The following MYH2 variants were observed in gnomAD, a reference collection of about 807,000 sequenced individuals.
MYH2 encodes myosin heavy chain 2.
A neutral mutation model predicts 228.1 loss-of-function variants in MYH2; 139 were observed. The ratio of observed to expected loss-of-function variants is 0.61; its 90% confidence interval spans 0.53 to 0.70. The LOEUF is 0.70. Ranked by LOEUF, MYH2 falls within the 30% of genes least tolerant of loss-of-function variation. The pLI, the probability that MYH2 is intolerant of heterozygous loss-of-function variation, is 0.00. For missense variants in MYH2, 1,809 were observed against 2,357.5 expected, an observed-to-expected ratio of 0.77 and a Z score of 4.82; for synonymous variants, 796 against 871.1, an observed-to-expected ratio of 0.91 and a Z score of 1.52.
At chr17:10,522,724 T>C (rs1449084512) in intron 39 of MYH2, among the ~76,000 whole-genome samples, 3 of 152,222 alleles carry the variant, frequency 2.0e-5, no homozygotes, top group South Asian at 4.1e-4. Flanking sequence ...TAATAATTAT[T>C]TAGTAATTAT....
At chr17:10,539,865 G>A in intron 12 of MYH2, 63 bp downstream of exon 12, 3 of 1,607,530 alleles carry the variant, frequency 1.9e-6, no homozygotes, top group East Asian at 2.2e-5. Flanking sequence ...AAATTCCTGG[G>A]TAACAAGTTA....
At position 10,539,077 on chromosome 17, in the gene MYH2, A is replaced by G. The variant is rs181127310; in HGVS notation, c.1416+128T>C. 386 of 1,533,338 alleles carry G rather than the reference A, an allele frequency of 2.5e-4. No individual in the cohort carries two copies. In the African/African-American group the frequency reaches 4.5e-3, roughly 18 times the overall value. 95.0% of individuals were successfully genotyped at this position (1,533,338 alleles called of 1,614,324 possible). On this transcript the variant is annotated intron_variant, in intron 14 of 39. Coordinates refer to ENST00000245503, the MANE Select transcript of MYH2 (RefSeq NM_017534.6). ...TTGGTACTACAATAACTGACCAGTT[A>G]CTCTCTTTTAAGGCTTAAAATAATT...
intron 39 of MYH2, among the ~76,000 whole-genome samples, chr17:10,522,209 A>T (rs1398509992): frequency 6.6e-6 from 1 of 152,192 alleles, no homozygotes; most frequent in Non-Finnish European, 1.5e-5. Flanking sequence ...ATTTTGAAAG[A>T]CCTATCTGGA....
In MYH2 at chr17:10,528,741, C is replaced by A; in HGVS notation, c.3693G>T (p.Lys1231Asn). 1 of 1,614,090 alleles carries A rather than the reference C, an allele frequency of 6.2e-7. No individual in the cohort carries two copies. The highest frequency in any genetic ancestry group is 8.5e-7 in the Non-Finnish European group (1 of 1,179,968). Reference protein sequence around the residue: ...QKLEKEKSEMKMEIDDLASNV... With the variant: ...QKLEKEKSEMNMEIDDLASNV... ...TACTAGCAAGGTCATCAATCTCCAT[C>A]TTCATCTCACTCTTCTCCTTCTCCA... Residue 1231 changes from lysine to asparagine, a missense_variant, in exon 27 of 40, where the codon AAG becomes AAT. Lys to Asn is a moderately conservative substitution (Grantham distance 94). Around this residue, in one of 9 missense-constraint regions of MYH2, gnomAD observed 636 missense variants for 729.9 expected, o/e 0.87. Coordinates refer to ENST00000245503, the MANE Select transcript of MYH2 (RefSeq NM_017534.6).
chr17:10,525,480 G>T lies in MYH2; in HGVS notation c.4508C>A (p.Thr1503Asn). 1 of 1,614,136 alleles carries T rather than the reference G, an allele frequency of 6.2e-7. No individual in the cohort carries two copies. The highest frequency in any genetic ancestry group is 2.2e-5 in the East Asian group (1 of 44,882). The change falls in exon 32 of 40, where the codon ACC becomes AAC. Residue 1503 changes from threonine to asparagine, a missense_variant. Transcript: ENST00000245503. This position sits in a 1 kb window ranked among gnomAD's most constrained non-coding sequence, Gnocchi z 4.2. ...AYEESLDQLE[T>N]LKRENKNLQQ... ...TAAGTTTTTGTTCTCTCGCTTCAGG[G>T]TTTCTAGCTGATCCAAAGATTCCTC... is the stretch of plus-strand genomic sequence containing the variant.
Position 10,528,955 on chromosome 17 carries a change from C to A in MYH2, c.3479G>T (p.Gly1160Val). ...EEISERLEEA[G>V]GATSAQIEMN... ...CTCAATCTGGGCTGAAGTGGCCCCA[C>A]CGGCTTCTTCCAGCCTCTCGCTGAT... The change falls in exon 27 of 40, where the codon GGT becomes GTT. Residue 1160 changes from glycine to valine, a missense_variant. Physicochemically the swap from Gly to Val is moderately radical, Grantham distance 109. Transcript: ENST00000245503. The A allele has an allele frequency of 6.2e-7, 1 of 1,614,180 alleles. No homozygotes were observed. The highest frequency in any genetic ancestry group is 8.5e-7 in the Non-Finnish European group (1 of 1,180,046).
chr17:10,531,643 T>A lies in MYH2; in HGVS notation c.2687A>T (p.Gln896Leu). 6.2e-7 allele frequency: 1 copy of A among 1,614,190 alleles called. No homozygotes were observed. The highest frequency in any genetic ancestry group is 8.5e-7 in the Non-Finnish European group (1 of 1,180,022). Residue 896 changes from glutamine to leucine, a missense_variant, in exon 22 of 40, where the codon CAA (glutamine) becomes CTA (leucine). This residue lies in a region of MYH2 where 276 missense variants were observed against 344.2 expected (regional missense o/e 0.80). Coordinates refer to ENST00000245503, the MANE Select transcript of MYH2 (RefSeq NM_017534.6). ...LLKEKNDLQLQVQAEAEGLAD... is the reference protein window; with the variant it reads ...LLKEKNDLQLLVQAEAEGLAD... ...GATATTCCAACTCACAGCCTGAACT[T>A]GGAGCTGCAAGTCATTTTTTTCTTT...
In MYH2 at chr17:10,537,723, T is replaced by C. The variant is rs1029914899; in HGVS notation, c.1529A>G (p.Glu510Gly). 2.5e-6 allele frequency: 4 copies of C among 1,614,076 alleles called. No homozygotes were observed. Among genetic ancestry groups the C allele is most frequent in the South Asian group, 1.1e-5 (1 of 91,088 alleles). ...CATCCCGAAGTCGATGAACGTCCACTCGATGCCTTCCTTCTTGTACTCCTC... is the reference window on the plus strand; with the variant it reads ...CATCCCGAAGTCGATGAACGTCCACCCGATGCCTTCCTTCTTGTACTCCTC... ...EQEEYKKEGI[E>G]WTFIDFGMDL... Residue 510 changes from glutamate to glycine, a missense_variant, in exon 15 of 40, where the codon GAG (glutamate) becomes GGG (glycine). Physicochemically the swap from Glu to Gly is moderately conservative, Grantham distance 98 (BLOSUM62 -2). Around this residue, in one of 9 missense-constraint regions of MYH2, gnomAD observed 373 missense variants for 620.4 expected, o/e 0.60. Transcript: ENST00000245503. This position sits in a 1 kb window ranked among gnomAD's most constrained non-coding sequence, Gnocchi z 4.0.
intron 14 of MYH2, among the ~76,000 whole-genome samples, chr17:10,538,562 G>A (rs1023354951): frequency 7.3e-5 from 11 of 150,770 alleles, no homozygotes; most frequent in African/African-American, 1.2e-4. Context: ...GGAGAATGGC[G>A]TGAACCCAGG....
At position 10,527,762 on chromosome 17, in the gene MYH2, A is replaced by G; in HGVS notation, c.3857T>C (p.Leu1286Pro). 1 of 1,614,114 alleles carries G rather than the reference A, an allele frequency of 6.2e-7. No homozygotes were observed. The highest frequency in any genetic ancestry group is 8.5e-7 in the Non-Finnish European group (1 of 1,180,016). ...GGGAGAGTTACCAGATTCAGTCTGC[A>G]GGCGCCCCCTCTGCGCAGTCAGGTC... ...INDLTAQRGR[L>P]QTESGEFSRQ... The change falls in exon 28 of 40, where the codon CTG becomes CCG. Residue 1286 changes from leucine (L) to proline (P), a missense_variant. Leu to Pro is a moderately conservative substitution (Grantham distance 98). Transcript: ENST00000245503.
Position 10,533,637 on chromosome 17 carries a change from T to A in MYH2, c.2181-5A>T, listed in dbSNP as rs199770682. On this transcript the variant is annotated splice_region_variant and splice_polypyrimidine_tract_variant and intron_variant, in intron 19 of 39. Coordinates refer to ENST00000245503, the MANE Select transcript of MYH2 (RefSeq NM_017534.6). Reference sequence around the variant, plus strand: ...CTTGCATTTAATACCTTGTATCTGTTGAAGTACATATAGCTTTTAACAACT... The same window carrying A: ...CTTGCATTTAATACCTTGTATCTGTAGAAGTACATATAGCTTTTAACAACT... 74 of 1,613,912 alleles carry A rather than the reference T, an allele frequency of 4.6e-5. No individual in the cohort carries two copies. The Middle Eastern group carries it at 1.2e-3, about 25-fold the overall frequency.
chr17:10,535,309 C>A lies in MYH2; in HGVS notation c.2031G>T (p.Arg677Ser). ...NLRSTHPHFVRCIIPNETKTP... is the reference protein window; with the variant it reads ...NLRSTHPHFVSCIIPNETKTP... The stretch of plus-strand genomic sequence containing the variant: ...TTTTTGTCTCATTGGGGATGATACA[C>A]CTCACAAAGTGAGGATGGGTACTCC... Residue 677 changes from arginine to serine, a missense_variant, in exon 18 of 40, where the codon AGG (arginine) becomes AGT (serine). Around this residue, in one of 9 missense-constraint regions of MYH2, gnomAD observed 276 missense variants for 344.2 expected, o/e 0.80. Coordinates refer to ENST00000245503, the MANE Select transcript of MYH2 (RefSeq NM_017534.6). 1 of 1,614,150 alleles carries A rather than the reference C, an allele frequency of 6.2e-7. No individual in the cohort carries two copies. Among genetic ancestry groups the A allele is most frequent in the Non-Finnish European group, 8.5e-7 (1 of 1,180,026 alleles).
chr17:10,530,423 TGA>T (rs2073411179), intron 22 of MYH2, among the ~76,000 whole-genome samples: 3 of 152,320 alleles, frequency 2.0e-5, no homozygotes, highest in Admixed American at 1.3e-4. Flanking sequence ...ATTTGGGCCT[TGA>T]GAGAGGGGTA....
chr17:10,537,864 C>T lies in MYH2; in HGVS notation c.1417-29G>A, dbSNP rs370783878. 6.2e-7 allele frequency: 1 copy of T among 1,614,116 alleles called. No homozygotes were observed. Among genetic ancestry groups the T allele is most frequent in the Non-Finnish European group, 8.5e-7 (1 of 1,180,012 alleles). ...AATAAATAGATATGTTTACTTCTCT[C>T]TTAAGCAAATTGAGTATTTTTTAAA... On this transcript the variant is annotated intron_variant, in intron 14 of 39. Coordinates refer to ENST00000245503, the MANE Select transcript of MYH2 (RefSeq NM_017534.6). The surrounding 1 kb of genome is among the most constrained non-coding windows in gnomAD (Gnocchi z 4.0).
rs1371838686 is a variant in MYH2, at chr17:10,525,707, T to G, written c.4357A>C (p.Arg1453=). 1 of 1,614,206 alleles carries G rather than the reference T, an allele frequency of 6.2e-7. No individual in the cohort carries two copies. Reference sequence around the variant, plus strand: ...GGAGGAATTACCTTATCGAAGTTCCTTTGCTTTTTGTCAAGGGCGGCACAG... The same window carrying G: ...GGAGGAATTACCTTATCGAAGTTCCGTTGCTTTTTGTCAAGGGCGGCACAG... ...AACAALDKKQ[R]NFDKILAEWK... Residue 1453 remains arginine, a synonymous_variant, in exon 31 of 40, where the codon AGG becomes CGG. Coordinates refer to ENST00000245503, the MANE Select transcript of MYH2 (RefSeq NM_017534.6). The surrounding 1 kb of genome is among the most constrained non-coding windows in gnomAD (Gnocchi z 4.2).
chr17:10,547,398 A>G (rs1237220256), intron 4 of MYH2, 77 bp downstream of exon 4: 8 of 1,576,608 alleles, frequency 5.1e-6, no homozygotes, highest in Non-Finnish European at 7.0e-6. Flanking sequence ...CCTGTGACCT[A>G]TTTATGCTCA....
chr17:10,542,750 A>C (rs1401366751), intron 10 of MYH2, 125 bp downstream of exon 10: 1 of 608,098 alleles, frequency 1.6e-6, no homozygotes, highest in African/African-American at 1.9e-5. Context: ...CCAAACTCAC[A>C]AAGCTATTTA....
chr17:10,541,095 T>G (rs2073547683), intron 10 of MYH2, among the ~76,000 whole-genome samples: 1 of 152,144 alleles, frequency 6.6e-6, no homozygotes, highest in Admixed American at 6.5e-5. Flanking sequence ...ACTGCACAAA[T>G]TGTTCGTAAA....
In MYH2 at chr17:10,533,761, T is replaced by G; in HGVS notation, c.2181-129A>C. 2.3e-6 allele frequency: 3 copies of G among 1,301,410 alleles called. No individual in the cohort carries two copies. The South Asian group carries it at 4.0e-5, about 17-fold the overall frequency. The allele number at this position is 1,301,410 out of a possible 1,614,324, so 80.6% of individuals were successfully genotyped here. On this transcript the variant is annotated intron_variant, in intron 19 of 39. Coordinates refer to ENST00000245503, the MANE Select transcript of MYH2 (RefSeq NM_017534.6). ...TATTCTTTGTTCACAAGGAGAACAT[T>G]GTTTATTTGAATGGTCAACCCTTTG...
Sources: gnomAD v4.1 joint callset for allele counts (sites outside exome capture counted in the v4.1 genomes callset) on GRCh38, gnomAD v4.1.1 for gene constraint, gnomAD v4.1.1 regional missense constraint, Gnocchi (gnomAD v3.1) non-coding constraint, MANE v1.5 for transcripts, NCBI Gene and HGNC (gene_info 2026-07-23, HGNC 2026-07-21) for gene names.